EXTL3: variants seen among roughly 807,000 people sequenced by gnomAD.
The protein encoded by EXTL3 is exostosin-like 3.
A neutral mutation model predicts 69.3 loss-of-function variants in EXTL3; 27 were observed. The ratio of observed to expected loss-of-function variants is 0.39; its 90% CI spans 0.29 to 0.54. The LOEUF (loss-of-function observed/expected upper bound fraction) is 0.54. EXTL3 is among the 20% of genes least tolerant of loss of function. The pLI is 0.69. For synonymous variants in EXTL3, 511 were observed against 499.4 expected (o/e 1.02, Z -0.31); for missense variants, 1,003 against 1,231.8 (o/e 0.81, Z 2.78).
intron 1 of EXTL3, among the ~76,000 whole-genome samples, chr8:28,672,567 T>C (rs1205510381): frequency 6.6e-6 from 1 of 152,210 alleles, no homozygotes; most frequent in Admixed American, 6.5e-5. Context: ...TTGATCAGCA[T>C]CAATATCACC....
intron 4 of EXTL3, among the ~76,000 whole-genome samples, chr8:28,734,720 CAAAAA>C (rs900742013): frequency 6.6e-6 from 1 of 151,582 alleles, no homozygotes; most frequent in East Asian, 1.9e-4. Flanking sequence ...CAAAACAAAA[CAAAAA>C]AAACACTGGA....
At chr8:28,656,975 A>G (rs1433352475) in intron 1 of EXTL3, among the ~76,000 whole-genome samples, 2 of 149,980 alleles carry the variant, frequency 1.3e-5, no homozygotes, top group Non-Finnish European at 3.0e-5. Flanking sequence ...CTCTGTTGCC[A>G]AGGCTGGAGT....
At chr8:28,642,061 T>C (rs1806752883) in intron 1 of EXTL3, among the ~76,000 whole-genome samples, 1 of 151,262 alleles carries the variant, frequency 6.6e-6, no homozygotes, top group Admixed American at 6.6e-5. Context: ...GGTCTCGATC[T>C]CCTGACCTCG....
chr8:28,742,722 C>A, intron 5 of EXTL3: 1 of 322,814 alleles, frequency 3.1e-6, no homozygotes. Flanking sequence ...GCTTTTTTCT[C>A]TCACTTATCT....
At position 28,718,050 on chromosome 8, in the gene EXTL3, C is replaced by T. The variant is rs762837299; in HGVS notation, c.1991C>T (p.Thr664Met). 3 of 1,613,986 alleles carry T rather than the reference C, an allele frequency of 1.9e-6. No homozygotes were observed. The highest frequency in any genetic ancestry group is 1.7e-5 in the Admixed American group (1 of 60,010). The stretch of plus-strand genomic sequence containing the variant: ...GGCAATGTTCCCCGAGAGCAGTTCA[C>T]GGTGGTGATGTTGACTTATGAGCGG... ...LGGNVPREQFTVVMLTYEREE... is the reference protein window; with the variant it reads ...LGGNVPREQFMVVMLTYEREE... The change falls in exon 3 of 7, where the codon ACG (threonine) becomes ATG (methionine). Residue 664 changes from threonine (T) to methionine (M), a missense_variant. Thr to Met is a moderately conservative substitution (Grantham distance 81). Transcript: ENST00000220562.
At chr8:28,644,125 A>G (rs1240740264) in intron 1 of EXTL3, among the ~76,000 whole-genome samples, 1 of 151,930 alleles carries the variant, frequency 6.6e-6, no homozygotes, top group Non-Finnish European at 1.5e-5. Flanking sequence ...TGACTTTTAG[A>G]TGAATGAAAT....
intron 4 of EXTL3, among the ~76,000 whole-genome samples, chr8:28,736,414 A>T (rs1019143743): frequency 6.6e-6 from 1 of 152,232 alleles, no homozygotes; most frequent in African/African-American, 2.4e-5. Context: ...TGTGGAGCTT[A>T]AACGCTTTCA....
intron 5 of EXTL3, chr8:28,741,891 ATAT>A: frequency 6.6e-6 from 1 of 152,338 alleles, no homozygotes; most frequent in Admixed American, 6.5e-5. Flanking sequence ...TTCACTCAAC[ATAT>A]TATATTGTAG....
upstream of EXTL3, among the ~76,000 whole-genome samples, chr8:28,621,241 C>T (rs1365589391): frequency 6.6e-6 from 1 of 152,106 alleles, no homozygotes; most frequent in Admixed American, 6.6e-5. Context: ...AAGATGAGGG[C>T]ATGCTGGAGT....
At chr8:28,710,597 G>A (rs867075240) in intron 1 of EXTL3, 9 of 349,788 alleles carry the variant, frequency 2.6e-5, no homozygotes, top group South Asian at 1.3e-4. Context: ...TTTTTTTTTT[G>A]TAGTTTTCTT....
chr8:28,736,155 T>C (rs1801648265), intron 4 of EXTL3, among the ~76,000 whole-genome samples: 1 of 152,230 alleles, frequency 6.6e-6, no homozygotes, highest in African/African-American at 2.4e-5. Flanking sequence ...GTATATTTTA[T>C]GTTTGTTTTG....
upstream of EXTL3, chr8:28,701,212 C>T (rs1563208371): frequency 6.6e-6 from 1 of 152,188 alleles, no homozygotes; most frequent in African/African-American, 2.4e-5. Context: ...CCCACGCCGC[C>T]GGGAGCATCC....
Position 28,754,931 on chromosome 8 carries a change from AAAG to A in EXTL3, c.*4071_*4073del, listed in dbSNP as rs1338545187. On this transcript the variant is annotated 3_prime_UTR_variant, in exon 7 of 7. Coordinates refer to ENST00000220562, the MANE Select transcript of EXTL3 (RefSeq NM_001440.4). ...AATTAGAATGTTATGAAGATACTGAAAAGAAGAAAGGAGAATGTAGTGGGTAAA... is the reference window on the plus strand; with the variant it reads ...AATTAGAATGTTATGAAGATACTGAAAAGAAAGGAGAATGTAGTGGGTAAA... 6.6e-6 allele frequency: 1 copy of A among 152,238 alleles called. No individual in the cohort carries two copies. Among genetic ancestry groups the A allele is most frequent in the Non-Finnish European group, 1.5e-5 (1 of 68,080 alleles). 9.4% of individuals were successfully genotyped at this position (152,238 alleles called of 1,614,324 possible). A position where few individuals can be genotyped will look rare whatever the true frequency, so the allele number is the denominator to read the frequency against.
At chr8:28,618,887 A>G (rs1457472821), upstream of EXTL3, among the ~76,000 whole-genome samples, 2 of 151,524 alleles carry the variant, frequency 1.3e-5, no homozygotes, top group Non-Finnish European at 2.9e-5. Context: ...GATCAAGACC[A>G]TCCTGGCTAA....
chr8:28,652,417 G>GCTC (rs1484607053), intron 1 of EXTL3, among the ~76,000 whole-genome samples: 3 of 152,042 alleles, frequency 2.0e-5, no homozygotes, highest in East Asian at 3.9e-4. Flanking sequence ...AGCATTTTTG[G>GCTC]AGGCCAAGGT....
At chr8:28,732,514 T>G (rs1801558654) in intron 4 of EXTL3, among the ~76,000 whole-genome samples, 1 of 152,178 alleles carries the variant, frequency 6.6e-6, no homozygotes, top group Non-Finnish European at 1.5e-5. Flanking sequence ...TCATCACCAC[T>G]GAAAGAAACC....
chr8:28,751,399 A>C lies in EXTL3; in HGVS notation c.*533A>C, dbSNP rs1186543097. On this transcript the variant is annotated 3_prime_UTR_variant, in exon 7 of 7. Coordinates refer to ENST00000220562, the MANE Select transcript of EXTL3 (RefSeq NM_001440.4). ...CGGAGATGGGTCCTGGCCTTGTGTC[A>C]CTGGCTTATCCTTAAAGATCATCTC... The C allele has an allele frequency of 1.3e-5, 2 of 158,534 alleles. No homozygotes were observed. Among genetic ancestry groups the C allele is most frequent in the Non-Finnish European group, 2.8e-5 (2 of 71,470 alleles). The allele number at this position is 158,534 out of a possible 1,614,324, so 9.8% of individuals were successfully genotyped here.
chr8:28,686,797 A>G (rs1399273291), intron 1 of EXTL3, among the ~76,000 whole-genome samples: 2 of 152,212 alleles, frequency 1.3e-5, no homozygotes, highest in Non-Finnish European at 2.9e-5. Context: ...AAGGGGATGC[A>G]GCGGAATGTT....
At chr8:28,695,047 GT>G (rs1800664664) in intron 1 of EXTL3, among the ~76,000 whole-genome samples, 1 of 151,852 alleles carries the variant, frequency 6.6e-6, no homozygotes, top group Non-Finnish European at 1.5e-5. Context: ...TAACTACTTA[GT>G]TTCTTCCAGG....
Sources: allele counts gnomAD v4.1 joint callset (sites outside exome capture counted in the v4.1 genomes callset), GRCh38; gene constraint gnomAD v4.1.1; transcripts MANE v1.5; gene names NCBI Gene and HGNC (gene_info 2026-07-23, HGNC 2026-07-21).